The following RGS7 variants were observed in gnomAD, a reference collection of about 807,000 sequenced individuals.
RGS7 encodes regulator of G-protein signaling 7.
RGS7 carries 27 observed loss-of-function variants against 81.1 expected under a neutral mutation model. The observed-to-expected ratio is 0.33, with a 90% CI of 0.25 to 0.46. RGS7 has a LOEUF of 0.46. Ranked by LOEUF, RGS7 falls within the 20% of genes least tolerant of loss-of-function variation. RGS7 has a pLI of 1.00. For synonymous variants in RGS7, 208 were observed against 207.7 expected, an observed-to-expected ratio of 1.00 and a Z score of -0.01; for missense variants, 396 against 607.4, an observed-to-expected ratio of 0.65 and a Z score of 3.66.
chr1:241,090,986 G>A (rs988074593), intron 3 of RGS7, among the ~76,000 whole-genome samples: 19 of 152,126 alleles, frequency 1.2e-4, no homozygotes, highest in Admixed American at 3.3e-4. Context: ...CTAACGTGGG[G>A]TTACCCATGA....
chr1:240,971,800 G>C (rs1018355350), intron 4 of RGS7, among the ~76,000 whole-genome samples: 4 of 152,278 alleles, frequency 2.6e-5, no homozygotes, highest in East Asian at 3.9e-4. Flanking sequence ...GCACTGGAAC[G>C]ATAATAAAGC....
At chr1:240,851,166 G>T (rs1660033658) in intron 9 of RGS7, among the ~76,000 whole-genome samples, 1 of 152,196 alleles carries the variant, frequency 6.6e-6, no homozygotes, top group South Asian at 2.1e-4. Flanking sequence ...AAGCTTGGAA[G>T]GACAGGCTGA....
intron 4 of RGS7, among the ~76,000 whole-genome samples, chr1:240,950,593 A>G (rs1446676007): frequency 6.6e-6 from 1 of 152,160 alleles, no homozygotes; most frequent in Admixed American, 6.5e-5. Context: ...GCTCCAAGGG[A>G]CAGACTCTGA....
At chr1:241,311,879 C>G (rs533240744) in intron 2 of RGS7, among the ~76,000 whole-genome samples, 2 of 152,316 alleles carry the variant, frequency 1.3e-5, no homozygotes, top group South Asian at 4.1e-4. Context: ...TCTCTTTGTT[C>G]CTGCTACTTA....
At chr1:241,167,194 A>G (rs2070328891) in intron 2 of RGS7, among the ~76,000 whole-genome samples, 2 of 152,178 alleles carry the variant, frequency 1.3e-5, no homozygotes, top group African/African-American at 2.4e-5. Flanking sequence ...AACTGGTTAG[A>G]TCTTCGGGCT....
At chr1:241,182,348 CA>C (rs1431443568) in intron 2 of RGS7, among the ~76,000 whole-genome samples, 1 of 152,170 alleles carries the variant, frequency 6.6e-6, no homozygotes, top group Non-Finnish European at 1.5e-5. Context: ...GATAATCACT[CA>C]CTTTTGCTCT....
intron 2 of RGS7, among the ~76,000 whole-genome samples, chr1:241,154,266 T>C (rs891271118): frequency 6.6e-6 from 1 of 152,152 alleles, no homozygotes; most frequent in Non-Finnish European, 1.5e-5. Flanking sequence ...GATGGGTCTT[T>C]GATCAGAGTC....
chr1:241,024,086 G>T (rs2059674405), intron 3 of RGS7, among the ~76,000 whole-genome samples: 1 of 152,168 alleles, frequency 6.6e-6, no homozygotes, highest in Admixed American at 6.5e-5. Flanking sequence ...TCAAAGATGA[G>T]AAAACAGAAG....
intron 2 of RGS7, among the ~76,000 whole-genome samples, chr1:241,187,229 T>G (rs1328428075): frequency 2.6e-5 from 4 of 152,102 alleles, no homozygotes; most frequent in Admixed American, 6.6e-5. Context: ...AAATCTCAAT[T>G]TAGGCTGAAC....
At chr1:241,058,003 C>T (rs1323216866) in intron 3 of RGS7, among the ~76,000 whole-genome samples, 2 of 152,064 alleles carry the variant, frequency 1.3e-5, no homozygotes, top group Non-Finnish European at 2.9e-5. Flanking sequence ...TGTCAGGCAA[C>T]CATCAGGTGA....
chr1:241,139,938 A>G (rs1466121039), intron 2 of RGS7, among the ~76,000 whole-genome samples: 1 of 152,202 alleles, frequency 6.6e-6, no homozygotes, highest in Admixed American at 6.5e-5. Flanking sequence ...GTCAGCCTGC[A>G]TGGATTCTTT....
Position 240,829,561 on chromosome 1 carries a change from A to T in RGS7, c.610-2389T>A, listed in dbSNP as rs377116288. On this transcript the variant is annotated intron_variant, in intron 9 of 18. Coordinates refer to ENST00000440928, the MANE Select transcript of RGS7 (RefSeq NM_001364886.1). ...TTCCATTCGATTTCTATTTCTTTGC[A>T]GCCTTCCATCCCTAAGCCTGAGCCA... is the stretch of plus-strand genomic sequence containing the variant. Among the ~76,000 whole-genome samples the T allele has an allele frequency of 1.2e-4, 18 of 152,320 alleles. No homozygotes were observed. In the South Asian group the frequency reaches 1.2e-3, roughly 11 times the overall value.
At chr1:241,264,824 T>TA (rs1276861722) in intron 2 of RGS7, among the ~76,000 whole-genome samples, 1 of 152,128 alleles carries the variant, frequency 6.6e-6, no homozygotes, top group African/African-American at 2.4e-5. Flanking sequence ...GGTCAGGAGA[T>TA]AGAGGGAGGA....
intron 3 of RGS7, among the ~76,000 whole-genome samples, chr1:241,083,298 GA>G (rs912512372): frequency 2.1e-5 from 3 of 140,228 alleles, no homozygotes; most frequent in African/African-American, 8.0e-5. Flanking sequence ...CAAAAAAAAA[GA>G]AAAGAAAAGA....
At chr1:241,278,755 C>A (rs546214591) in intron 2 of RGS7, among the ~76,000 whole-genome samples, 2 of 152,306 alleles carry the variant, frequency 1.3e-5, no homozygotes, top group East Asian at 3.9e-4. Context: ...GCTTTGTCTA[C>A]GAACTGCCAC....
chr1:241,125,127 G>A (rs906233986), intron 2 of RGS7, among the ~76,000 whole-genome samples: 1 of 152,140 alleles, frequency 6.6e-6, no homozygotes, highest in African/African-American at 2.4e-5. Flanking sequence ...CCATTGGACA[G>A]TGTGAAGAAG....
At chr1:241,062,676 C>G (rs549176521) in intron 3 of RGS7, among the ~76,000 whole-genome samples, 1 of 152,226 alleles carries the variant, frequency 6.6e-6, no homozygotes, top group Non-Finnish European at 1.5e-5. Flanking sequence ...AATGCAATAC[C>G]CCTTTTTTTC....
chr1:240,781,190 T>TA (rs1684002762), intron 18 of RGS7, among the ~76,000 whole-genome samples: 1 of 152,160 alleles, frequency 6.6e-6, no homozygotes, highest in Non-Finnish European at 1.5e-5. Context: ...AGGAAATAAT[T>TA]AAAAAATACT....
chr1:241,258,310 A>G (rs10802938), intron 2 of RGS7, among the ~76,000 whole-genome samples: 19,719 of 152,062 alleles, frequency 0.13, 1,429 homozygotes, highest in East Asian at 0.21. Context: ...TGGGACGTGA[A>G]TGGGAGAGAA....
Sources: allele counts gnomAD v4.1 joint callset (sites outside exome capture counted in the v4.1 genomes callset), GRCh38; gene constraint gnomAD v4.1.1; transcripts MANE v1.5; gene names NCBI Gene and HGNC (gene_info 2026-07-23, HGNC 2026-07-21).